Variants in HOOK3 observed in about 807,000 individuals in gnomAD.
HOOK3 encodes the protein protein Hook homolog 3.
A neutral mutation model predicts 116.3 loss-of-function variants in HOOK3; 24 were observed. The observed-to-expected ratio is 0.21, with a 90% CI of 0.15 to 0.29. The LOEUF (loss-of-function observed/expected upper bound fraction) is 0.29. HOOK3 is among the 10% of genes least tolerant of loss of function. The pLI is 1.00. For missense variants in HOOK3, 632 were observed against 830.2 expected, an observed-to-expected ratio of 0.76 and a Z score of 2.93; for synonymous variants, 275 against 283.0, an observed-to-expected ratio of 0.97 and a Z score of 0.28.
rs545726284 is a variant in HOOK3 at position 43,023,603 on chromosome 8, C to T, written c.*5105C>T. On this transcript the variant is annotated 3_prime_UTR_variant, in exon 22 of 22. Transcript: ENST00000307602. The stretch of plus-strand genomic sequence containing the variant: ...TAGTAGCTAGGATTACAGGCATCTG[C>T]CACCACGCCCAGCTAATTTTTGTAT... 6.7e-4 allele frequency: 115 copies of T among 172,102 alleles called. No individual in the cohort carries two copies. The highest frequency in any genetic ancestry group is 3.0e-3 in the Admixed American group (47 of 15,684). 10.7% of individuals were successfully genotyped at this position (172,102 alleles called of 1,614,324 possible).
intron 21 of HOOK3, among the ~76,000 whole-genome samples, chr8:43,018,100 TAA>T (rs1217906176): frequency 1.3e-5 from 2 of 152,188 alleles, no homozygotes; most frequent in African/African-American, 4.8e-5. Context: ...TGAGTATGGG[TAA>T]AGTCTGTCTC....
chr8:42,999,383 G>A (rs1809338068), intron 16 of HOOK3, among the ~76,000 whole-genome samples: 1 of 152,176 alleles, frequency 6.6e-6, no homozygotes, highest in Admixed American at 6.5e-5. Context: ...ACTTTGCTCT[G>A]AGTTCTTTTC....
intron 5 of HOOK3, among the ~76,000 whole-genome samples, chr8:42,946,248 C>G (rs1334787442): frequency 6.6e-6 from 1 of 152,086 alleles, no homozygotes; most frequent in African/African-American, 2.4e-5. Flanking sequence ...GGTGAGTGTT[C>G]CTCAGCTGCA....
rs953842217 is a variant in HOOK3 at position 43,028,163 on chromosome 8, A to T, written c.*9665A>T. ...TTATAAATCATTTCTTAATATCTTCAGTGTTTTTTCCCTTTTTATGTAAAC... is the reference window on the plus strand; with the variant it reads ...TTATAAATCATTTCTTAATATCTTCTGTGTTTTTTCCCTTTTTATGTAAAC... On this transcript the variant is annotated 3_prime_UTR_variant, in exon 22 of 22. Coordinates refer to ENST00000307602, the MANE Select transcript of HOOK3 (RefSeq NM_032410.4). The T allele has an allele frequency of 1.6e-5, 3 of 183,824 alleles. No individual in the cohort carries two copies. Among genetic ancestry groups the T allele is most frequent in the African/African-American group, 2.3e-5 (1 of 42,598 alleles). 11.4% of individuals were successfully genotyped at this position (183,824 alleles called of 1,614,324 possible).
intron 6 of HOOK3, among the ~76,000 whole-genome samples, chr8:42,952,203 T>A (rs1808357329): frequency 6.6e-6 from 1 of 152,224 alleles, no homozygotes. Context: ...TTGTACATTG[T>A]GTAATTTACT....
intron 2 of HOOK3, among the ~76,000 whole-genome samples, chr8:42,919,964 T>C (rs1434260282): frequency 6.6e-6 from 1 of 151,714 alleles, no homozygotes; most frequent in African/African-American, 2.4e-5. Flanking sequence ...TTTTTTTTTT[T>C]TTCTGTGAAG....
Position 42,997,586 on chromosome 8 carries a change from A to G in HOOK3, c.1569A>G (p.Gln523=), listed in dbSNP as rs1248893084. ...AAAGACTTCTGGAAGTACAGTCACA[A>G]GTTGAAGAATTACAAAAATCTTTAC... ...VNQRLLEVQS[Q]VEELQKSLQD... Residue 523 remains glutamine (Q), a synonymous_variant, in exon 16 of 22, where the codon CAA becomes CAG. Transcript: ENST00000307602. The G allele has an allele frequency of 1.2e-6, 2 of 1,611,496 alleles. No homozygotes were observed. Among genetic ancestry groups the G allele is most frequent in the South Asian group, 2.2e-5 (2 of 90,726 alleles).
At chr8:43,009,762 T>C (rs1374326537) in intron 18 of HOOK3, among the ~76,000 whole-genome samples, 2 of 152,186 alleles carry the variant, frequency 1.3e-5, no homozygotes, top group African/African-American at 4.8e-5. Flanking sequence ...CTTTTACCCA[T>C]CTACAAAACT....
chr8:42,987,166 C>T (rs1327064773), intron 15 of HOOK3, among the ~76,000 whole-genome samples: 1 of 151,990 alleles, frequency 6.6e-6, no homozygotes, highest in Non-Finnish European at 1.5e-5. Flanking sequence ...TGTCTCAAAA[C>T]AAACAAACAA....
In HOOK3 at chr8:43,026,781, A is replaced by G. The variant is rs1418031000; in HGVS notation, c.*8283A>G. ...CGGAGGATCAGGAAAATGGTGGGGA[A>G]GAGGTGACTGGAAAGGCAGGCACTA... On this transcript the variant is annotated 3_prime_UTR_variant, in exon 22 of 22. Transcript: ENST00000307602. 1.3e-5 allele frequency: 3 copies of G among 227,598 alleles called. No homozygotes were observed. The highest frequency in any genetic ancestry group is 2.6e-5 in the Non-Finnish European group (3 of 114,478). The allele number at this position is 227,598 out of a possible 1,614,324, so 14.1% of individuals were successfully genotyped here.
chr8:42,966,736 T>A, intron 10 of HOOK3, 123 bp downstream of exon 10: 1 of 942,628 alleles, frequency 1.1e-6, no homozygotes, highest in East Asian at 2.5e-5. Flanking sequence ...GTCTACTGCT[T>A]ATGCAACCTC....
chr8:42,943,293 A>ATCCTTT lies in HOOK3; in HGVS notation c.268-18_268-13dup. On this transcript the variant is annotated intron_variant, in intron 4 of 21. Coordinates refer to ENST00000307602, the MANE Select transcript of HOOK3 (RefSeq NM_032410.4). ...TCATATAAATGTAAATGCAATTATAATCCTTTTATCTCCATTCAGATTTTA... is the reference window on the plus strand; with the variant it reads ...TCATATAAATGTAAATGCAATTATAATCCTTTTCCTTTTATCTCCATTCAGATTTTA... 7.0e-7 allele frequency: 1 copy of ATCCTTT among 1,424,828 alleles called. No individual in the cohort carries two copies. Among genetic ancestry groups the ATCCTTT allele is most frequent in the Non-Finnish European group, 9.3e-7 (1 of 1,074,598 alleles). The allele number at this position is 1,424,828 out of a possible 1,614,324, so 88.3% of individuals were successfully genotyped here.
chr8:42,980,448 A>G (rs1294084236), intron 13 of HOOK3, among the ~76,000 whole-genome samples: 2 of 152,148 alleles, frequency 1.3e-5, no homozygotes, highest in African/African-American at 4.8e-5. Context: ...GTTGAAAGTT[A>G]ATACCCAATG....
intron 17 of HOOK3, among the ~76,000 whole-genome samples, chr8:43,002,390 A>T (rs1809397355): frequency 6.6e-6 from 1 of 152,168 alleles, no homozygotes; most frequent in Non-Finnish European, 1.5e-5. Flanking sequence ...CATAGTTAGG[A>T]GTTTGAGACA....
At chr8:42,966,355 A>G in intron 9 of HOOK3, 118 bp from the exon 10 acceptor site, 2 of 1,020,956 alleles carry the variant, frequency 2.0e-6, no homozygotes, top group Non-Finnish European at 1.4e-6. Flanking sequence ...GGCCACTAAC[A>G]TGGGAGACAT....
At chr8:43,016,900 G>A (rs780725876) in intron 21 of HOOK3, among the ~76,000 whole-genome samples, 4 of 152,146 alleles carry the variant, frequency 2.6e-5, no homozygotes, top group African/African-American at 9.7e-5. Context: ...GAGGTTGGGC[G>A]CATGGGCTCA....
rs1219152557 is a variant in HOOK3 at position 42,969,160 on chromosome 8, A to G, written c.1122+946A>G. 2.0e-5 allele frequency among the ~76,000 whole-genome samples: 3 copies of G among 152,312 alleles called. No individual in the cohort carries two copies. In the East Asian group the frequency reaches 5.8e-4, roughly 29 times the overall value. On this transcript the variant is annotated intron_variant, in intron 11 of 21. Coordinates refer to ENST00000307602, the MANE Select transcript of HOOK3 (RefSeq NM_032410.4). ...AAATGCCATATAAATAGTATTGTACAGGTCCTCTACTATATATGTGTGAAG... is the reference window on the plus strand; with the variant it reads ...AAATGCCATATAAATAGTATTGTACGGGTCCTCTACTATATATGTGTGAAG...
Position 42,966,464 on chromosome 8 carries a change from C to G in HOOK3, c.780-9C>G. The G allele has an allele frequency of 6.2e-7, 1 of 1,613,416 alleles. No individual in the cohort carries two copies. The highest frequency in any genetic ancestry group is 8.5e-7 in the Non-Finnish European group (1 of 1,179,518). On this transcript the variant is annotated splice_polypyrimidine_tract_variant and intron_variant, in intron 9 of 21. Coordinates refer to ENST00000307602, the MANE Select transcript of HOOK3 (RefSeq NM_032410.4). ...AGTGCTTTCTTGGTCTATTTTATATCGGTTACAGACTAGAAGCAGCCAAAG... is the reference window on the plus strand; with the variant it reads ...AGTGCTTTCTTGGTCTATTTTATATGGGTTACAGACTAGAAGCAGCCAAAG...
At position 42,897,747 on chromosome 8, in the gene HOOK3, C is replaced by T. The variant is rs565099347; in HGVS notation, c.57+559C>T. Among the ~76,000 whole-genome samples the T allele has an allele frequency of 5.9e-5, 9 of 152,388 alleles. No homozygotes were observed. In the East Asian group the frequency reaches 1.7e-3, roughly 29 times the overall value. On this transcript the variant is annotated intron_variant, in intron 1 of 21. Coordinates refer to ENST00000307602, the MANE Select transcript of HOOK3 (RefSeq NM_032410.4). ...GGCGTCAACAATGGAACTCGAAGGC[C>T]TTGGGGGACAGAGTCGTGGGATTCT...
Sources: allele counts gnomAD v4.1 joint callset (sites outside exome capture counted in the v4.1 genomes callset), GRCh38; gene constraint gnomAD v4.1.1; transcripts MANE v1.5; gene names NCBI Gene and HGNC (gene_info 2026-07-23, HGNC 2026-07-21).